Variants in ZNF254 observed in about 807,000 individuals in gnomAD.
The protein encoded by ZNF254 is zinc finger protein 254.
ZNF254 carries 10 observed loss-of-function variants against 12.4 expected under a neutral mutation model. The ratio of observed to expected loss-of-function variants is 0.80; its 90% CI spans 0.50 to 1.36. ZNF254 has a LOEUF of 1.36. Among genes scored for constraint, ZNF254 ranks in the 40% most tolerant of loss-of-function variants. ZNF254 has a pLI of 0.00. For synonymous variants in ZNF254, 305 were observed against 253.4 expected (o/e 1.20, Z -1.93); for missense variants, 996 against 763.9 (o/e 1.30, Z -3.58).
chr19:24,125,851 C>T (rs1224688489), intron 3 of ZNF254, among the ~76,000 whole-genome samples: 2 of 152,156 alleles, frequency 1.3e-5, no homozygotes, highest in African/African-American at 4.8e-5. Context: ...GGAAAAAACC[C>T]TAAAAGCCAG....
chr19:24,044,769 A>C (rs1229398070), intron 1 of ZNF254, among the ~76,000 whole-genome samples: 1 of 152,134 alleles, frequency 6.6e-6, no homozygotes, highest in African/African-American at 2.4e-5. Context: ...TTCTTATTTC[A>C]TCTTGGGTCA....
intron 3 of ZNF254, among the ~76,000 whole-genome samples, chr19:24,122,132 A>T (rs1974524026): frequency 6.6e-6 from 1 of 152,220 alleles, no homozygotes; most frequent in Non-Finnish European, 1.5e-5. Flanking sequence ...GTTAAGTCAC[A>T]CTAATTATCT....
At chr19:24,044,806 T>A (rs1415844060) in intron 1 of ZNF254, among the ~76,000 whole-genome samples, 1 of 152,206 alleles carries the variant, frequency 6.6e-6, no homozygotes, top group Non-Finnish European at 1.5e-5. Flanking sequence ...CTTGACTGCA[T>A]GATCAATGTG....
rs1975004330 is a variant in ZNF254, at chr19:24,127,818, A to G, written c.1818A>G (p.Glu606=). The part of the protein sequence containing the change: ...HTGVKPYKCE[E]CGKAFFWSST... ...GAGTAAAACCCTACAAATGTGAAGA[A>G]TGTGGCAAAGCATTTTTCTGGTCCT... The change falls in exon 4 of 4, where the codon GAA becomes GAG. Residue 606 remains glutamate, a synonymous_variant. Transcript: ENST00000357002. 1.2e-6 allele frequency: 2 copies of G among 1,613,300 alleles called. No homozygotes were observed. Among genetic ancestry groups the G allele is most frequent in the Non-Finnish European group, 1.7e-6 (2 of 1,179,730 alleles).
Position 24,127,906 on chromosome 19 carries a change from G to A in ZNF254, c.1906G>A (p.Gly636Ser). 3 of 1,611,746 alleles carry A rather than the reference G, an allele frequency of 1.9e-6. No homozygotes were observed. Among genetic ancestry groups the A allele is most frequent in the East Asian group, 4.5e-5 (2 of 44,862 alleles). ...GCAACCCTACAAATGGGAAAAATTT[G>A]GCAAAGCCTTTAATCGGTCCTCGCA... is the stretch of plus-strand genomic sequence containing the variant. ...GEQPYKWEKF[G>S]KAFNRSSHLT... Residue 636 changes from glycine to serine, a missense_variant, in exon 4 of 4, where the codon GGC becomes AGC. Gly to Ser is a moderately conservative substitution (Grantham distance 56). Coordinates refer to ENST00000357002, the MANE Select transcript of ZNF254 (RefSeq NM_203282.4).
upstream of ZNF254, among the ~76,000 whole-genome samples, chr19:24,086,454 C>G (rs918654328): frequency 6.6e-6 from 1 of 151,046 alleles, no homozygotes; most frequent in African/African-American, 2.4e-5. Flanking sequence ...TATAGGCGTG[C>G]GCCACCATGC....
chr19:24,100,289 C>T (rs966818601), intron 1 of ZNF254, among the ~76,000 whole-genome samples: 1 of 151,642 alleles, frequency 6.6e-6, no homozygotes, highest in African/African-American at 2.4e-5. Context: ...TCCCTTCTCT[C>T]GCTAAAATGC....
At chr19:24,109,614 G>A (rs954356654) in intron 3 of ZNF254, among the ~76,000 whole-genome samples, 1 of 152,070 alleles carries the variant, frequency 6.6e-6, no homozygotes, top group Admixed American at 6.6e-5. Context: ...TTATCTATAT[G>A]TGTGTGTTTA....
chr19:24,114,911 A>G (rs1387620147), intron 3 of ZNF254, among the ~76,000 whole-genome samples: 1 of 152,268 alleles, frequency 6.6e-6, no homozygotes, highest in African/African-American at 2.4e-5. Flanking sequence ...GCAGCCAAAA[A>G]ACACATGAAA....
chr19:24,068,866 C>T (rs1460144983), intron 2 of ZNF254, among the ~76,000 whole-genome samples: 2 of 152,182 alleles, frequency 1.3e-5, no homozygotes, highest in Admixed American at 1.3e-4. Context: ...CCTAGCTAGG[C>T]TTAGGAAAAC....
rs1218566239 is a variant in ZNF254 at position 24,129,828 on chromosome 19, GAATA to G, written c.*1853_*1856del. ...TAAAATCTATACATTTCTGAGTTCTGAATAAATATTTTTAAAAATTTTAATATAT... is the reference window on the plus strand; with the variant it reads ...TAAAATCTATACATTTCTGAGTTCTGAATATTTTTAAAAATTTTAATATAT... On this transcript the variant is annotated 3_prime_UTR_variant, in exon 4 of 4. Transcript: ENST00000357002. 2 of 151,720 alleles carry G rather than the reference GAATA, an allele frequency of 1.3e-5. No homozygotes were observed. The highest frequency in any genetic ancestry group is 2.9e-5 in the Non-Finnish European group (2 of 67,874). The allele number at this position is 151,720 out of a possible 1,614,324, so 9.4% of individuals were successfully genotyped here.
At chr19:24,126,171 T>C in intron 3 of ZNF254, 83 bp from the exon 4 acceptor site, 1 of 973,188 alleles carries the variant, frequency 1.0e-6, no homozygotes, top group East Asian at 3.0e-5. Flanking sequence ...GTAGTTTGTA[T>C]AATTTTATAG....
At chr19:24,071,488 C>T (rs1482903027) in intron 2 of ZNF254, among the ~76,000 whole-genome samples, 1 of 152,158 alleles carries the variant, frequency 6.6e-6, no homozygotes, top group African/African-American at 2.4e-5. Flanking sequence ...GTGATTGTGG[C>T]GTATAACTAG....
intron 1 of ZNF254, among the ~76,000 whole-genome samples, chr19:24,102,175 T>C (rs1193847568): frequency 6.6e-6 from 1 of 152,112 alleles, no homozygotes; most frequent in Non-Finnish European, 1.5e-5. Flanking sequence ...GCCATTTTCT[T>C]TATATTGTGA....
chr19:24,118,975 G>T (rs913862125), intron 3 of ZNF254, among the ~76,000 whole-genome samples: 1 of 151,832 alleles, frequency 6.6e-6, no homozygotes, highest in African/African-American at 2.4e-5. Context: ...GCCAGGCGTG[G>T]TGGTGGGTGC....
In ZNF254 at chr19:24,116,056, G is replaced by A. The variant is rs905647255; in HGVS notation, c.253+9413G>A. ...TCTTCTGGCTTGTAGAGTTTCTGCC[G>A]AGAGGTCCACTCTTAGTCCGATGGG... On this transcript the variant is annotated intron_variant, in intron 3 of 3. Transcript: ENST00000357002. Among the ~76,000 whole-genome samples the A allele has an allele frequency of 8.5e-5, 13 of 152,164 alleles. No individual in the cohort carries two copies. In the South Asian group the frequency reaches 2.5e-3, roughly 29 times the overall value.
chr19:24,113,074 G>A (rs1048645051), intron 3 of ZNF254, among the ~76,000 whole-genome samples: 1 of 152,118 alleles, frequency 6.6e-6, no homozygotes, highest in Non-Finnish European at 1.5e-5. Flanking sequence ...TGGATCAGAT[G>A]GATTCACAGC....
chr19:24,121,278 T>C (rs1327152644), intron 3 of ZNF254, among the ~76,000 whole-genome samples: 1 of 152,188 alleles, frequency 6.6e-6, no homozygotes, highest in Non-Finnish European at 1.5e-5. Flanking sequence ...AAGATTACCT[T>C]AATGAATATA....
intron 1 of ZNF254, among the ~76,000 whole-genome samples, chr19:24,090,842 C>G (rs1212536160): frequency 2.0e-5 from 3 of 151,148 alleles, no homozygotes; most frequent in Non-Finnish European, 2.9e-5. Flanking sequence ...ACATTAATAT[C>G]TAATAATATA....
Sources: allele counts gnomAD v4.1 joint callset (sites outside exome capture counted in the v4.1 genomes callset), GRCh38; gene constraint gnomAD v4.1.1; transcripts MANE v1.5; gene names NCBI Gene and HGNC (gene_info 2026-07-23, HGNC 2026-07-21).